PRELID2: variants seen among roughly 807,000 people sequenced by gnomAD.
PRELID2 encodes PRELI domain containing 2.
A neutral mutation model predicts 28.4 loss-of-function variants in PRELID2; 25 were observed. The observed-to-expected ratio is 0.88, with a 90% CI of 0.64 to 1.23. The LOEUF is 1.23. Ranked by LOEUF, PRELID2 falls within the 50% of genes most tolerant of loss-of-function variation. The probability of loss-of-function intolerance (pLI) is 0.00; values close to 1 mark genes in which losing one functional copy is unlikely to be tolerated. For missense variants in PRELID2, 201 were observed against 214.4 expected (o/e 0.94, Z 0.39); for synonymous variants, 76 against 71.6 (o/e 1.06, Z -0.31).
chr5:145,395,578 C>T, the PRELID2 span, among the ~76,000 whole-genome samples: 2 of 152,276 alleles, frequency 1.3e-5, no homozygotes, highest in Admixed American at 1.3e-4. Context: ...ACTCCATTTG[C>T]TTTCTAACAA....
At chr5:145,569,262 G>T (rs1289548660) in intron 1 of PRELID2, among the ~76,000 whole-genome samples, 1 of 151,986 alleles carries the variant, frequency 6.6e-6, no homozygotes, top group African/African-American at 2.4e-5. Flanking sequence ...AATAAAGAAG[G>T]AACTTATTAC....
intron 1 of PRELID2, among the ~76,000 whole-genome samples, chr5:145,737,600 T>G (rs1323843955): frequency 6.6e-6 from 1 of 152,256 alleles, no homozygotes; most frequent in East Asian, 1.9e-4. Flanking sequence ...CAAGCACAGA[T>G]AATTTTTTAA....
At chr5:145,526,100 GT>G (rs1752603551) in intron 1 of PRELID2, among the ~76,000 whole-genome samples, 1 of 152,206 alleles carries the variant, frequency 6.6e-6, no homozygotes, top group South Asian at 2.1e-4. Flanking sequence ...ATAAAAGCCA[GT>G]CATTAACTGA....
intron 1 of PRELID2, among the ~76,000 whole-genome samples, chr5:145,724,626 T>A (rs1386635631): frequency 1.5e-4 from 18 of 118,648 alleles, no homozygotes; most frequent in African/African-American, 4.0e-4. Flanking sequence ...TATATATATA[T>A]ATATATATAT....
intron 1 of PRELID2, among the ~76,000 whole-genome samples, chr5:145,533,170 C>T (rs1487045396): frequency 6.6e-6 from 1 of 152,042 alleles, no homozygotes; most frequent in Non-Finnish European, 1.5e-5. Context: ...AACTTAAGTG[C>T]CAATACACCA....
chr5:145,653,708 A>G (rs1754340527), intron 1 of PRELID2, among the ~76,000 whole-genome samples: 1 of 152,274 alleles, frequency 6.6e-6, no homozygotes, highest in Admixed American at 6.5e-5. Flanking sequence ...CAACAAGAAC[A>G]AAGACACAAC....
At chr5:145,832,395 G>A (rs1308444230) in intron 1 of PRELID2, among the ~76,000 whole-genome samples, 1 of 152,104 alleles carries the variant, frequency 6.6e-6, no homozygotes, top group Non-Finnish European at 1.5e-5. Flanking sequence ...ATGTTAGCCA[G>A]GCTGGTCTTG....
chr5:145,324,321 G>A, the PRELID2 span, among the ~76,000 whole-genome samples: 1 of 152,124 alleles, frequency 6.6e-6, no homozygotes, highest in Admixed American at 6.6e-5. Flanking sequence ...AAAATGCAGA[G>A]GCATTCCTGT....
chr5:145,738,387 T>C (rs1223285933), intron 1 of PRELID2, among the ~76,000 whole-genome samples: 1 of 152,186 alleles, frequency 6.6e-6, no homozygotes, highest in African/African-American at 2.4e-5. Flanking sequence ...ATTAGAATTA[T>C]GTGGCAAACA....
chr5:145,673,898 C>A (rs1441318025), intron 1 of PRELID2, among the ~76,000 whole-genome samples: 3 of 152,052 alleles, frequency 2.0e-5, no homozygotes, highest in Admixed American at 6.6e-5. Flanking sequence ...CAGAAGCAGA[C>A]TTGAACAAAT....
chr5:145,575,920 C>T (rs914586593), intron 1 of PRELID2, among the ~76,000 whole-genome samples: 1 of 152,078 alleles, frequency 6.6e-6, no homozygotes, highest in African/African-American at 2.4e-5. Context: ...TTCTATGCTC[C>T]ACAGACCTTC....
intron 1 of PRELID2, among the ~76,000 whole-genome samples, chr5:145,722,844 A>G (rs934460938): frequency 6.6e-6 from 1 of 152,180 alleles, no homozygotes; most frequent in Non-Finnish European, 1.5e-5. Flanking sequence ...ACCAACATTG[A>G]CTAAAGTAGA....
chr5:145,461,836 T>A, the PRELID2 span, among the ~76,000 whole-genome samples: 2 of 152,238 alleles, frequency 1.3e-5, no homozygotes, highest in African/African-American at 2.4e-5. Flanking sequence ...AATATTTATG[T>A]ATCCTCCCAC....
intron 1 of PRELID2, among the ~76,000 whole-genome samples, chr5:145,479,160 C>CGTTCCTA (rs1752134206): frequency 1.3e-5 from 2 of 152,184 alleles, no homozygotes; most frequent in Non-Finnish European, 2.9e-5. Flanking sequence ...GCCAAACCAA[C>CGTTCCTA]GTTCCTAAAT....
At chr5:145,368,051 T>G in the PRELID2 span, among the ~76,000 whole-genome samples, 1 of 151,980 alleles carries the variant, frequency 6.6e-6, no homozygotes, top group African/African-American at 2.4e-5. Flanking sequence ...CATTCTGTCA[T>G]TCGGGGTTGT....
the PRELID2 span, among the ~76,000 whole-genome samples, chr5:145,280,998 G>A: frequency 6.6e-6 from 1 of 152,032 alleles, no homozygotes; most frequent in African/African-American, 2.4e-5. Flanking sequence ...GTATCTAGAT[G>A]CTCAAATGTT....
At chr5:145,599,873 GC>G (rs1170607400) in intron 1 of PRELID2, among the ~76,000 whole-genome samples, 3 of 152,038 alleles carry the variant, frequency 2.0e-5, no homozygotes, top group Admixed American at 1.3e-4. Context: ...CATTTTCCTA[GC>G]CCCTCAACAC....
intron 1 of PRELID2, among the ~76,000 whole-genome samples, chr5:145,542,891 C>T (rs994575846): frequency 6.6e-6 from 1 of 151,794 alleles, no homozygotes; most frequent in African/African-American, 2.4e-5. Flanking sequence ...TGGTGGTATG[C>T]ATCCTATCAG....
intron 1 of PRELID2, among the ~76,000 whole-genome samples, chr5:145,625,496 T>C (rs1029913883): frequency 2.6e-5 from 4 of 152,200 alleles, no homozygotes; most frequent in African/African-American, 4.8e-5. Flanking sequence ...AACATTTTTA[T>C]AAAACTTATT....
Sources: allele counts gnomAD v4.1 joint callset (sites outside exome capture counted in the v4.1 genomes callset), GRCh38; gene constraint gnomAD v4.1.1; transcripts MANE v1.5; gene names NCBI Gene and HGNC (gene_info 2026-07-23, HGNC 2026-07-21).